The following PRKACA variants were observed in gnomAD, a reference collection of about 807,000 sequenced individuals.
PRKACA encodes protein kinase cAMP-activated catalytic subunit alpha.
A neutral mutation model predicts 45.8 loss-of-function variants in PRKACA; 9 were observed. The observed-to-expected ratio is 0.20, with a 90% confidence interval of 0.12 to 0.34. The LOEUF (loss-of-function observed/expected upper bound fraction) is 0.34. Ranked by LOEUF, PRKACA falls within the 10% of genes least tolerant of loss-of-function variation. The pLI is 1.00. For synonymous variants in PRKACA, 160 were observed against 178.6 expected, an observed-to-expected ratio of 0.90 and a Z score of 0.83; for missense variants, 238 against 458.6, an observed-to-expected ratio of 0.52 and a Z score of 4.39.
Position 14,117,575 on chromosome 19 carries a change from C to T in PRKACA, c.-28G>A. The T allele has an allele frequency of 1.8e-6, 2 of 1,098,186 alleles. No homozygotes were observed. The highest frequency in any genetic ancestry group is 4.7e-5 in the East Asian group (1 of 21,056). The allele number at this position is 1,098,186 out of a possible 1,614,324, so 68.0% of individuals were successfully genotyped here. On this transcript the variant is annotated 5_prime_UTR_variant, in exon 1 of 10. Transcript: ENST00000308677. ...CGGCGGCGGCGGCCGGGGCCGGTCC[C>T]GGAGCTGCGGCGCGGCGGGTGCTGG...
At chr19:14,095,843 G>A (rs1336110995) in intron 8 of PRKACA, among the ~76,000 whole-genome samples, 1 of 151,612 alleles carries the variant, frequency 6.6e-6, no homozygotes, top group Non-Finnish European at 1.5e-5. Flanking sequence ...GTGATGCTAT[G>A]TGTCCAGCTG....
chr19:14,104,336 C>CAAAAAAAA (rs769115807), intron 3 of PRKACA, among the ~76,000 whole-genome samples: 1 of 48,220 alleles, frequency 2.1e-5, no homozygotes, highest in Non-Finnish European at 4.4e-5. Context: ...GACTCCGTCT[C>CAAAAAAAA]AAAAAAAAAA....
chr19:14,114,428 A>C (rs1253075417), intron 1 of PRKACA, among the ~76,000 whole-genome samples: 1 of 152,090 alleles, frequency 6.6e-6, no homozygotes, highest in Non-Finnish European at 1.5e-5. Context: ...GCCAAGGCAC[A>C]GAAGGTGTTT....
At position 14,117,636 on chromosome 19, in the gene PRKACA, G is replaced by A. The variant is rs1967138722; in HGVS notation, c.-89C>T. 1 of 807,970 alleles carries A rather than the reference G, an allele frequency of 1.2e-6. No individual in the cohort carries two copies. Among genetic ancestry groups the A allele is most frequent in the South Asian group, 5.4e-5 (1 of 18,520 alleles). 50.1% of individuals were successfully genotyped at this position (807,970 alleles called of 1,614,324 possible). ...CGGCCCCGGAGCGCGCTGGGCGGCG[G>A]CGGCGGCGGCCCTCGGGCTGGCTGC... On this transcript the variant is annotated 5_prime_UTR_variant, in exon 1 of 10. Transcript: ENST00000308677.
In PRKACA at chr19:14,093,571, T is replaced by G. The variant is rs1033373719; in HGVS notation, c.930+57A>C. ...TTCTCTATTTCTCTATTGGCTGTCC[T>G]CCCTGACTCTTGGCCTGCTCCCAAA... On this transcript the variant is annotated intron_variant, in intron 9 of 9. Coordinates refer to ENST00000308677, the MANE Select transcript of PRKACA (RefSeq NM_002730.4). 3 of 1,559,356 alleles carry G rather than the reference T, an allele frequency of 1.9e-6. No homozygotes were observed. In the Admixed American group the frequency reaches 5.6e-5, roughly 29 times the overall value.
At chr19:14,094,629 C>T (rs1323032335) in intron 8 of PRKACA, among the ~76,000 whole-genome samples, 1 of 152,204 alleles carries the variant, frequency 6.6e-6, no homozygotes, top group African/African-American at 2.4e-5. Flanking sequence ...TTAAACAGCT[C>T]TTCCTAGGTC....
At chr19:14,105,301 C>G (rs1332542913) in intron 3 of PRKACA, among the ~76,000 whole-genome samples, 2 of 151,968 alleles carry the variant, frequency 1.3e-5, no homozygotes, top group South Asian at 4.2e-4. Context: ...TACCTGAGGT[C>G]AGGAGTTCGA....
intron 1 of PRKACA, among the ~76,000 whole-genome samples, chr19:14,115,868 C>G (rs1400062111): frequency 6.6e-6 from 1 of 151,602 alleles, no homozygotes; most frequent in Non-Finnish European, 1.5e-5. Flanking sequence ...GGGGGCCTGA[C>G]TCCTCCCCCC....
intron 9 of PRKACA, 74 bp from the exon 10 acceptor site, chr19:14,093,311 C>T (rs1977147326): frequency 1.3e-6 from 2 of 1,550,074 alleles, no homozygotes; most frequent in African/African-American, 1.4e-5. Flanking sequence ...ATGCGAATGG[C>T]CTAACATTCA....
At chr19:14,100,725 T>G (rs771044347) in intron 5 of PRKACA, 101 bp downstream of exon 5, 40 of 1,155,884 alleles carry the variant, frequency 3.5e-5, no homozygotes, top group Non-Finnish European at 5.1e-5. Context: ...ACCTGCATGT[T>G]GAAGTATGCT....
Position 14,093,656 on chromosome 19 carries a change from G to C in PRKACA, c.902C>G (p.Thr301Ser), listed in dbSNP as rs1394170561. ...CCTCTGGTAGATGGCAATCCAGTCA[G>C]TTGTGGCAAACCACTTGTGGTTCTT... The part of the protein sequence containing the change: ...DIKNHKWFAT[T>S]DWIAIYQRKV... The change falls in exon 9 of 10, where the codon ACT becomes AGT. Residue 301 changes from threonine to serine, a missense_variant. Physicochemically the swap from Thr to Ser is moderately conservative, Grantham distance 58. This residue lies in a region of PRKACA where 51 missense variants were observed against 68.6 expected (regional missense o/e 0.74). Transcript: ENST00000308677. 1 of 1,614,120 alleles carries C rather than the reference G, an allele frequency of 6.2e-7. No individual in the cohort carries two copies. Among genetic ancestry groups the C allele is most frequent in the African/African-American group, 1.3e-5 (1 of 75,058 alleles).
At chr19:14,114,987 A>ACTGCCCCTGCCC (rs41296248) in intron 1 of PRKACA, among the ~76,000 whole-genome samples, 157 of 152,268 alleles carry the variant, frequency 1.0e-3, no homozygotes, top group African/African-American at 3.6e-3. Context: ...TGGCCTGGCT[A>ACTGCCCCTGCCC]CTGCCCCTGC....
intron 1 of PRKACA, among the ~76,000 whole-genome samples, chr19:14,109,066 AGGCTGGGTGAGGT>A (rs1342537864): frequency 1.4e-5 from 2 of 148,138 alleles, no homozygotes; most frequent in African/African-American, 4.9e-5. Flanking sequence ...ATGGGGAGAG[AGGCTGGGTGAGGT>A]GGCTGACGTC....
intron 5 of PRKACA, among the ~76,000 whole-genome samples, chr19:14,100,488 G>C (rs1192315693): frequency 6.6e-6 from 1 of 151,996 alleles, no homozygotes; most frequent in African/African-American, 2.4e-5. Flanking sequence ...AGTGGAGACA[G>C]GGTTTTGCCA....
chr19:14,099,912 C>T (rs992866197), intron 5 of PRKACA, among the ~76,000 whole-genome samples: 9 of 151,984 alleles, frequency 5.9e-5, no homozygotes, highest in Non-Finnish European at 1.2e-4. Context: ...GGCGCGATCT[C>T]GGCTCACTGC....
intron 8 of PRKACA, among the ~76,000 whole-genome samples, chr19:14,095,217 C>A (rs1322638990): frequency 6.7e-6 from 1 of 149,956 alleles, no homozygotes; most frequent in Non-Finnish European, 1.5e-5. Context: ...GTTGCCCAGG[C>A]TGGAGTGCAG....
Position 14,097,985 on chromosome 19 carries a change from T to G in PRKACA, c.420-95A>C. 1 of 1,501,172 alleles carries G rather than the reference T, an allele frequency of 6.7e-7. No individual in the cohort carries two copies. Among genetic ancestry groups the G allele is most frequent in the Non-Finnish European group, 9.1e-7 (1 of 1,100,512 alleles). 93.0% of individuals were successfully genotyped at this position (1,501,172 alleles called of 1,614,324 possible). ...AGAGCCTACCCCAGAGGAAGACACC[T>G]CCAGTCCAGCCGTCAGAAACGCAAG... On this transcript the variant is annotated intron_variant, in intron 5 of 9. Transcript: ENST00000308677. The surrounding 1 kb of genome is among the most constrained non-coding windows in gnomAD (Gnocchi z 5.4).
Position 14,097,571 on chromosome 19 carries a change from G to A in PRKACA, c.642+8C>T, listed in dbSNP as rs369212838. 23 of 1,613,240 alleles carry A rather than the reference G, an allele frequency of 1.4e-5. No homozygotes were observed. In the African/African-American group the frequency reaches 2.7e-4, roughly 19 times the overall value. ...TCAGGGGAAGGGGAGGGCTGGGGAG[G>A]CTCCTACTTTGCTCAGGATAATCTC... On this transcript the variant is annotated splice_region_variant and intron_variant, in intron 7 of 9. Coordinates refer to ENST00000308677, the MANE Select transcript of PRKACA (RefSeq NM_002730.4). This position sits in a 1 kb window ranked among gnomAD's most constrained non-coding sequence, Gnocchi z 5.4.
rs148025857 is a variant in PRKACA at position 14,093,276 on chromosome 19, A to G, written c.931-39T>C. 5.1e-4 allele frequency: 810 copies of G among 1,594,910 alleles called. 4 individuals carry two copies. The African/African-American group carries it at 1.0e-2, about 20-fold the overall frequency. ...AAGAATCACCCAGACCTCAGCATTC[A>G]ACATAATCATTATTACAACAATAAA... is the stretch of plus-strand genomic sequence containing the variant. On this transcript the variant is annotated intron_variant, in intron 9 of 9. Coordinates refer to ENST00000308677, the MANE Select transcript of PRKACA (RefSeq NM_002730.4).
Sources: gnomAD v4.1 joint callset for allele counts (sites outside exome capture counted in the v4.1 genomes callset) on GRCh38, gnomAD v4.1.1 for gene constraint, gnomAD v4.1.1 regional missense constraint, Gnocchi (gnomAD v3.1) non-coding constraint, MANE v1.5 for transcripts, NCBI Gene and HGNC (gene_info 2026-07-23, HGNC 2026-07-21) for gene names.